Variants in C12orf56 observed in about 807,000 individuals in gnomAD.
C12orf56 encodes chromosome 12 open reading frame 56, also known as uncharacterized protein C12orf56.
A neutral mutation model predicts 69.9 loss-of-function variants in C12orf56; 71 were observed. The ratio of observed to expected loss-of-function variants is 1.02; its 90% CI spans 0.84 to 1.24. The LOEUF is 1.24. C12orf56 is among the 50% of genes most tolerant of loss of function. C12orf56 has a pLI of 0.00. For synonymous variants in C12orf56, 276 were observed against 274.1 expected (o/e 1.01, Z -0.07); for missense variants, 732 against 738.5 (o/e 0.99, Z 0.10).
chr12:64,301,137 G>A (rs1212398924), intron 6 of C12orf56, among the ~76,000 whole-genome samples: 1 of 152,138 alleles, frequency 6.6e-6, no homozygotes, highest in East Asian at 1.9e-4. Context: ...TAAGTCTGTG[G>A]CAGGCCAGGT....
At chr12:64,274,868 G>T in intron 11 of C12orf56, 33 bp downstream of exon 11, 1 of 1,509,988 alleles carries the variant, frequency 6.6e-7, no homozygotes. Flanking sequence ...ATTAGGCTTG[G>T]GGGTGATTTC....
At chr12:64,315,281 C>G (rs1055432993) in intron 4 of C12orf56, among the ~76,000 whole-genome samples, 9 of 145,808 alleles carry the variant, frequency 6.2e-5, no homozygotes, top group Admixed American at 4.9e-4. Context: ...TGTGCTTTTT[C>G]TTACTACTTT....
chr12:64,322,480 G>T (rs1290291972), intron 3 of C12orf56, among the ~76,000 whole-genome samples: 1 of 151,986 alleles, frequency 6.6e-6, no homozygotes, highest in East Asian at 1.9e-4. Context: ...CTTCAAAGGG[G>T]TTCATACTTA....
intron 12 of C12orf56, among the ~76,000 whole-genome samples, chr12:64,269,780 G>A (rs2037957625): frequency 6.6e-6 from 1 of 151,658 alleles, no homozygotes; most frequent in Non-Finnish European, 1.5e-5. Flanking sequence ...GTAGAGACGG[G>A]GTTTCACCAT....
intron 1 of C12orf56, among the ~76,000 whole-genome samples, chr12:64,361,075 C>T (rs1394175004): frequency 1.3e-5 from 2 of 151,848 alleles, no homozygotes; most frequent in Admixed American, 6.6e-5. Flanking sequence ...AAAAATGAGC[C>T]GGGTGTGGTG....
chr12:64,267,227 G>A lies in C12orf56; in HGVS notation c.1825C>T (p.Pro609Ser), dbSNP rs771088937. ...ACTTCATGAAAAAGTTGAATGGTAG[G>A]TTGAGTGATGGGGTAACACAATGGG... The part of the protein sequence containing the change: ...RLPLCYPITQ[P>S]TIQLFHEVLK... The change falls in exon 13 of 13, where the codon CCT (proline) becomes TCT (serine). Residue 609 changes from proline (P) to serine (S), a missense_variant. Pro to Ser is a moderately conservative substitution (Grantham distance 74). Coordinates refer to ENST00000543942, the MANE Select transcript of C12orf56 (RefSeq NM_001170633.2). 1.4e-5 allele frequency: 22 copies of A among 1,612,524 alleles called. No homozygotes were observed. The South Asian group carries it at 1.8e-4, about 13-fold the overall frequency.
intron 3 of C12orf56, among the ~76,000 whole-genome samples, chr12:64,328,634 C>T (rs1328591002): frequency 1.5e-5 from 2 of 129,724 alleles, no homozygotes; most frequent in African/African-American, 2.9e-5. Flanking sequence ...GAGCCAAAAT[C>T]GAGCCACTGC....
intron 9 of C12orf56, among the ~76,000 whole-genome samples, chr12:64,276,007 C>G (rs113564993): frequency 6.7e-6 from 1 of 148,662 alleles, no homozygotes; most frequent in Admixed American, 6.6e-5. Context: ...ACACACCCCC[C>G]CCCGCGAGTT....
At chr12:64,388,951 G>A (rs1347871010) in intron 1 of C12orf56, 1 of 152,038 alleles carries the variant, frequency 6.6e-6, no homozygotes, top group Non-Finnish European at 1.5e-5. Flanking sequence ...AAATAAATTG[G>A]CACAGTTACA....
At chr12:64,376,059 T>A (rs2039635400) in intron 1 of C12orf56, among the ~76,000 whole-genome samples, 1 of 47,434 alleles carries the variant, frequency 2.1e-5, no homozygotes, top group Admixed American at 3.5e-4. Flanking sequence ...AGCAAATAGA[T>A]GAGATGCACC....
intron 3 of C12orf56, among the ~76,000 whole-genome samples, chr12:64,320,581 C>T (rs1167779234): frequency 6.6e-6 from 1 of 152,182 alleles, no homozygotes. Context: ...TCCCTATTCT[C>T]TCCAGCTCAC....
At chr12:64,285,585 C>T (rs2038187999) in intron 7 of C12orf56, among the ~76,000 whole-genome samples, 1 of 151,950 alleles carries the variant, frequency 6.6e-6, no homozygotes, top group South Asian at 2.1e-4. Flanking sequence ...GTCAGGAGTT[C>T]GAGACCAGCC....
chr12:64,348,137 G>T (rs1480842536), intron 2 of C12orf56, among the ~76,000 whole-genome samples: 1 of 152,108 alleles, frequency 6.6e-6, no homozygotes, highest in African/African-American at 2.4e-5. Context: ...TATGAGCCAG[G>T]TGTGGTGGTA....
chr12:64,315,638 A>C (rs1331229660), intron 4 of C12orf56, among the ~76,000 whole-genome samples: 4 of 152,186 alleles, frequency 2.6e-5, no homozygotes, highest in Non-Finnish European at 5.9e-5. Context: ...AGAAAGTTAA[A>C]ATGTGTAATG....
intron 1 of C12orf56, among the ~76,000 whole-genome samples, chr12:64,361,048 G>T (rs2039393534): frequency 6.6e-6 from 1 of 152,042 alleles, no homozygotes; most frequent in African/African-American, 2.4e-5. Context: ...GGTGAAACTG[G>T]TCTCTACTAA....
At chr12:64,303,808 T>G (rs1260606029) in intron 5 of C12orf56, 29 bp from the exon 6 acceptor site, 1 of 1,552,686 alleles carries the variant, frequency 6.4e-7, no homozygotes, top group Non-Finnish European at 8.6e-7. Flanking sequence ...ATTTTCCACT[T>G]AAAAAAATGG....
At chr12:64,354,290 G>T (rs560260072) in intron 1 of C12orf56, among the ~76,000 whole-genome samples, 82 of 152,306 alleles carry the variant, frequency 5.4e-4, no homozygotes, top group Non-Finnish European at 1.1e-3. Flanking sequence ...AAAGCTAAGA[G>T]TGAGACAGGC....
Position 64,381,114 on chromosome 12 carries a change from T to A in C12orf56, c.252+9200A>T, listed in dbSNP as rs189241218. 1.6e-3 allele frequency among the ~76,000 whole-genome samples: 238 copies of A among 151,630 alleles called. 1 individual carries two copies. The highest frequency in any genetic ancestry group is 5.5e-3 in the African/African-American group (226 of 41,280). On this transcript the variant is annotated intron_variant, in intron 1 of 12. Coordinates refer to ENST00000543942, the MANE Select transcript of C12orf56 (RefSeq NM_001170633.2). The stretch of plus-strand genomic sequence containing the variant: ...CTCCCTGAGAATTCGGGGATTAGAG[T>A]TTTTAAGGATAATTTTGGGTGGGGG...
intron 1 of C12orf56, chr12:64,355,873 A>T (rs1403749688): frequency 2.0e-5 from 3 of 152,260 alleles, no homozygotes; most frequent in African/African-American, 7.2e-5. Flanking sequence ...GATAAAAAAT[A>T]CATAAACTTG....
Sources: gnomAD v4.1 joint callset for allele counts (sites outside exome capture counted in the v4.1 genomes callset) on GRCh38, gnomAD v4.1.1 for gene constraint, MANE v1.5 for transcripts, NCBI Gene and HGNC (gene_info 2026-07-23, HGNC 2026-07-21) for gene names.